UGT2B4: variants seen among roughly 807,000 people sequenced by gnomAD.
The protein encoded by UGT2B4 is UDP glucuronosyltransferase family 2 member B4.
Under a neutral mutation model 49.8 loss-of-function variants are expected in UGT2B4, and 49 were observed. That is an observed-to-expected ratio of 0.98 (90% CI 0.78 to 1.25). The LOEUF (loss-of-function observed/expected upper bound fraction) is 1.25. Ranked by LOEUF, UGT2B4 falls within the 50% of genes most tolerant of loss-of-function variation. UGT2B4 has a pLI of 0.00. For synonymous variants in UGT2B4, 246 were observed against 217.7 expected, an observed-to-expected ratio of 1.13 and a Z score of -1.14; for missense variants, 729 against 627.7, an observed-to-expected ratio of 1.16 and a Z score of -1.73.
intron 2 of UGT2B4, among the ~76,000 whole-genome samples, chr4:69,491,104 T>A (rs934865766): frequency 1.2e-4 from 19 of 152,154 alleles, no homozygotes; most frequent in African/African-American, 4.6e-4. Flanking sequence ...TCATCATGGC[T>A]TTTGTTCTAT....
At position 69,484,898 on chromosome 4, in the gene UGT2B4, G is replaced by A. The variant is rs542709009; in HGVS notation, c.1310+310C>T. On this transcript the variant is annotated intron_variant, in intron 5 of 5. Transcript: ENST00000305107. ...GAATTAAAATATTTTATTATATTAC[G>A]TCAAGTTTATCTTTCCTTTCTACTG... Among the ~76,000 whole-genome samples, 206 of 152,044 alleles carry A rather than the reference G, an allele frequency of 1.4e-3. 2 individuals carry two copies. The highest frequency in any genetic ancestry group is 2.7e-3 in the South Asian group (13 of 4,818).
At chr4:69,500,666 A>AAAGAAAGAAAGAAAGAAAGAAAGAAAGG (rs1444201529), upstream of UGT2B4, among the ~76,000 whole-genome samples, 358 of 113,656 alleles carry the variant, frequency 3.1e-3, 5 homozygotes, top group Non-Finnish European at 4.7e-3. Context: ...AGAAAGAAAG[A>AAAGAAAGAAAGAAAGAAAGAAAGAAAGG]AAGGAAGGAA....
upstream of UGT2B4, chr4:69,495,960 T>C (rs907471334): frequency 6.7e-7 from 1 of 1,496,310 alleles, no homozygotes; most frequent in Non-Finnish European, 8.9e-7. Context: ...AAAATGTAAC[T>C]TTTACACTTC....
chr4:69,488,583 G>T (rs551394801), intron 3 of UGT2B4, among the ~76,000 whole-genome samples: 169 of 152,042 alleles, frequency 1.1e-3, no homozygotes, highest in Non-Finnish European at 1.9e-3. Context: ...TTCCTACTAT[G>T]TTCTATGGAG....
At chr4:69,506,998 G>A (rs1172901683) in intron 1 of UGT2B4, among the ~76,000 whole-genome samples, 4 of 152,150 alleles carry the variant, frequency 2.6e-5, no homozygotes, top group Non-Finnish European at 5.9e-5. Context: ...AATAGATGCA[G>A]AAGAGGCCTT....
At chr4:69,510,184 C>T (rs1046579179) in intron 1 of UGT2B4, among the ~76,000 whole-genome samples, 1 of 152,010 alleles carries the variant, frequency 6.6e-6, no homozygotes, top group African/African-American at 2.4e-5. Flanking sequence ...TATTTTTGGG[C>T]TCTATATTCT....
intron 3 of UGT2B4, among the ~76,000 whole-genome samples, chr4:69,486,940 T>C (rs914130129): frequency 6.6e-6 from 1 of 152,158 alleles, no homozygotes; most frequent in Non-Finnish European, 1.5e-5. Context: ...AGTTCAAGTA[T>C]TTAAAAAGTT....
intron 1 of UGT2B4, among the ~76,000 whole-genome samples, chr4:69,502,595 G>T (rs909556361): frequency 3.9e-5 from 6 of 152,116 alleles, no homozygotes; most frequent in African/African-American, 1.4e-4. Flanking sequence ...ACTGTAATGT[G>T]GTTGCCTGTT....
chr4:69,506,932 A>G (rs1243093739), intron 1 of UGT2B4, among the ~76,000 whole-genome samples: 1 of 152,200 alleles, frequency 6.6e-6, no homozygotes, highest in East Asian at 1.9e-4. Flanking sequence ...ACGGAAATAA[A>G]TAAATGTGAC....
intron 1 of UGT2B4, among the ~76,000 whole-genome samples, chr4:69,501,081 C>T (rs1728307765): frequency 6.6e-6 from 1 of 152,174 alleles, no homozygotes; most frequent in Non-Finnish European, 1.5e-5. Context: ...ATAAGACCCA[C>T]TGGCTTGGAA....
intron 1 of UGT2B4, among the ~76,000 whole-genome samples, chr4:69,516,805 G>T (rs988175084): frequency 1.3e-5 from 2 of 151,522 alleles, no homozygotes; most frequent in South Asian, 2.1e-4. Flanking sequence ...ATGGGATTTT[G>T]CCATGATGGC....
upstream of UGT2B4, among the ~76,000 whole-genome samples, chr4:69,500,606 G>GCAAGA (rs1553896493): frequency 1.1e-3 from 112 of 99,600 alleles, no homozygotes; most frequent in Admixed American, 1.5e-3. Flanking sequence ...AGAAAGCAAG[G>GCAAGA]AAGAAAGAAA....
chr4:69,497,477 C>G (rs1728197536), upstream of UGT2B4, among the ~76,000 whole-genome samples: 1 of 152,148 alleles, frequency 6.6e-6, no homozygotes, highest in Non-Finnish European at 1.5e-5. Flanking sequence ...TGTAATTGGT[C>G]TATTATTGCA....
At chr4:69,494,072 C>T (rs1728074505) in intron 1 of UGT2B4, among the ~76,000 whole-genome samples, 1 of 152,064 alleles carries the variant, frequency 6.6e-6, no homozygotes, top group South Asian at 2.1e-4. Context: ...GGGAAAACTG[C>T]ATCCCTCATG....
rs370143836 is a variant in UGT2B4, at chr4:69,480,616, T to G, written c.*18A>C. The G allele has an allele frequency of 1.2e-6, 2 of 1,609,354 alleles. No homozygotes were observed. The highest frequency in any genetic ancestry group is 1.7e-6 in the Non-Finnish European group (2 of 1,176,938). ...GAGTTCATTTATTGGGTTTCCCAGC[T>G]TCCAGCCTCAGACGTAATTAATCTC... On this transcript the variant is annotated 3_prime_UTR_variant, in exon 6 of 6. Coordinates refer to ENST00000305107, the MANE Select transcript of UGT2B4 (RefSeq NM_021139.3).
upstream of UGT2B4, among the ~76,000 whole-genome samples, chr4:69,497,931 C>T (rs1282598530): frequency 6.6e-6 from 1 of 152,172 alleles, no homozygotes; most frequent in African/African-American, 2.4e-5. Context: ...TAAGAAAGTG[C>T]CACAGTCACG....
intron 5 of UGT2B4, 43 bp downstream of exon 5, chr4:69,485,165 C>T (rs747256582): frequency 1.2e-6 from 2 of 1,602,028 alleles, no homozygotes; most frequent in Non-Finnish European, 1.7e-6. Flanking sequence ...CACAAGGGAA[C>T]CTATCTATAA....
chr4:69,482,753 C>T (rs542256195), intron 5 of UGT2B4, among the ~76,000 whole-genome samples: 223 of 151,894 alleles, frequency 1.5e-3, no homozygotes, highest in Admixed American at 1.8e-3. Context: ...ATTACAGGTG[C>T]GCACCACCAT....
intron 5 of UGT2B4, among the ~76,000 whole-genome samples, chr4:69,481,475 A>G (rs1001869989): frequency 6.6e-6 from 1 of 152,204 alleles, no homozygotes; most frequent in African/African-American, 2.4e-5. Context: ...CAGGTGAGAA[A>G]GTTAATTATT....
Sources: gnomAD v4.1 joint callset for allele counts (sites outside exome capture counted in the v4.1 genomes callset) on GRCh38, gnomAD v4.1.1 for gene constraint, MANE v1.5 for transcripts, NCBI Gene and HGNC (gene_info 2026-07-23, HGNC 2026-07-21) for gene names.